RALGAPA1: variants seen among roughly 807,000 people sequenced by gnomAD.
RALGAPA1 encodes the protein ral GTPase-activating protein subunit alpha-1.
RALGAPA1 carries 52 observed loss-of-function variants against 269.6 expected under a neutral mutation model. The observed-to-expected ratio is 0.19, with a 90% CI of 0.15 to 0.24. The LOEUF (loss-of-function observed/expected upper bound fraction) is 0.24, where lower values mean the gene tolerates loss of function less well. Among genes scored for constraint, RALGAPA1 ranks in the 10% least tolerant of loss-of-function variants. The probability of loss-of-function intolerance (pLI) is 1.00; values close to 1 mark genes in which losing one functional copy is unlikely to be tolerated. For missense variants in RALGAPA1, 1,917 were observed against 3,013.9 expected, an observed-to-expected ratio of 0.64 and a Z score of 8.52; for synonymous variants, 817 against 1,008.3, an observed-to-expected ratio of 0.81 and a Z score of 3.60.
chr14:35,576,096 C>G (rs770875268), intron 37 of RALGAPA1, among the ~76,000 whole-genome samples: 4 of 152,162 alleles, frequency 2.6e-5, no homozygotes, highest in Non-Finnish European at 2.9e-5. Flanking sequence ...CTTAGCTCCT[C>G]TTACAGTTTA....
At chr14:35,643,235 G>A (rs929578366) in intron 31 of RALGAPA1, among the ~76,000 whole-genome samples, 1 of 152,218 alleles carries the variant, frequency 6.6e-6, no homozygotes, top group South Asian at 2.1e-4. Flanking sequence ...TAATGTAAAT[G>A]ACGAGTTAAT....
At chr14:35,633,854 C>T (rs2061502357) in intron 33 of RALGAPA1, among the ~76,000 whole-genome samples, 1 of 152,058 alleles carries the variant, frequency 6.6e-6, no homozygotes, top group African/African-American at 2.4e-5. Flanking sequence ...TTACATCTTT[C>T]TCTTCTATCA....
intron 16 of RALGAPA1, among the ~76,000 whole-genome samples, chr14:35,711,396 C>T (rs566784468): frequency 1.3e-5 from 2 of 152,248 alleles, no homozygotes; most frequent in Non-Finnish European, 2.9e-5. Context: ...TTTAAAAAAA[C>T]CTTTTTTAGT....
At chr14:35,685,260 AG>A (rs2065819044) in intron 19 of RALGAPA1, 115 bp from the exon 20 acceptor site, 2 of 901,438 alleles carry the variant, frequency 2.2e-6, no homozygotes, top group East Asian at 5.3e-5. Context: ...AGGCTGAAGT[AG>A]GAGTGGAGAA....
At position 35,689,933 on chromosome 14, in the gene RALGAPA1, T is replaced by G; in HGVS notation, c.2478A>C (p.Gly826=). The G allele has an allele frequency of 6.2e-7, 1 of 1,602,410 alleles. No individual in the cohort carries two copies. The highest frequency in any genetic ancestry group is 8.5e-7 in the Non-Finnish European group (1 of 1,176,216). The change falls in exon 18 of 42, where the codon GGA becomes GGC. Residue 826 remains glycine (G), a synonymous_variant. Transcript: ENST00000680220. ...CATTCAAAGCACCAAAAACTTCATT[T>G]CCAGTTTCTTCACTTTGTGAAAAAT... is the stretch of plus-strand genomic sequence containing the variant. ...VRHFSQSEET[G]NEVFGALNEE...
At chr14:35,609,235 A>C (rs1348923343) in intron 35 of RALGAPA1, among the ~76,000 whole-genome samples, 2 of 151,990 alleles carry the variant, frequency 1.3e-5, no homozygotes, top group African/African-American at 4.8e-5. Context: ...TCAAAAAAAA[A>C]AAACCAAAAA....
intron 16 of RALGAPA1, among the ~76,000 whole-genome samples, chr14:35,718,438 G>C (rs950238339): frequency 6.6e-6 from 1 of 152,166 alleles, no homozygotes; most frequent in Non-Finnish European, 1.5e-5. Flanking sequence ...AGGTGAAATG[G>C]GAAGGTGGGG....
At chr14:35,635,894 A>G (rs2061637442) in intron 31 of RALGAPA1, among the ~76,000 whole-genome samples, 1 of 152,238 alleles carries the variant, frequency 6.6e-6, no homozygotes, top group Non-Finnish European at 1.5e-5. Flanking sequence ...TCAATTAACT[A>G]TACTTATTCC....
At chr14:35,638,851 A>G (rs2061827752) in intron 31 of RALGAPA1, among the ~76,000 whole-genome samples, 1 of 151,988 alleles carries the variant, frequency 6.6e-6, no homozygotes, top group South Asian at 2.1e-4. Context: ...GTTTGAACCC[A>G]GGAGGTAGAG....
chr14:35,791,738 T>C (rs1329409458), intron 1 of RALGAPA1, among the ~76,000 whole-genome samples: 2 of 148,802 alleles, frequency 1.3e-5, no homozygotes, highest in Admixed American at 6.7e-5. Context: ...AACCCCGTCT[T>C]TACTAAAAAT....
intron 31 of RALGAPA1, among the ~76,000 whole-genome samples, chr14:35,646,195 A>T (rs908794061): frequency 1.7e-4 from 26 of 152,252 alleles, no homozygotes; most frequent in Non-Finnish European, 3.5e-4. Context: ...TTCTGGTAAG[A>T]GTCATTAATG....
chr14:35,562,480 A>G (rs2056342823), intron 39 of RALGAPA1, among the ~76,000 whole-genome samples: 1 of 152,222 alleles, frequency 6.6e-6, no homozygotes, highest in South Asian at 2.1e-4. Flanking sequence ...TTAATGAATG[A>G]CGTCTGAAAA....
chr14:35,708,050 T>C (rs756775484), intron 16 of RALGAPA1, among the ~76,000 whole-genome samples: 1 of 152,148 alleles, frequency 6.6e-6, no homozygotes, highest in Non-Finnish European at 1.5e-5. Context: ...CTGGGATAAC[T>C]GGATACCCAT....
At chr14:35,629,560 G>C (rs548633688) in intron 33 of RALGAPA1, among the ~76,000 whole-genome samples, 116 of 152,198 alleles carry the variant, frequency 7.6e-4, no homozygotes, top group African/African-American at 2.6e-3. Context: ...CTGGAGTGCA[G>C]TGGCGCAATC....
chr14:35,790,864 G>A (rs570504030), intron 1 of RALGAPA1, among the ~76,000 whole-genome samples: 10 of 152,002 alleles, frequency 6.6e-5, no homozygotes, highest in Admixed American at 2.0e-4. Context: ...AAGGGTAATC[G>A]CTTAAATGGA....
chr14:35,695,322 G>A (rs1445204392), intron 17 of RALGAPA1, among the ~76,000 whole-genome samples: 1 of 152,056 alleles, frequency 6.6e-6, no homozygotes, highest in Non-Finnish European at 1.5e-5. Flanking sequence ...ATTCTACACT[G>A]ATGACAGGAA....
At chr14:35,680,626 T>C (rs979163965) in intron 21 of RALGAPA1, among the ~76,000 whole-genome samples, 6 of 152,068 alleles carry the variant, frequency 3.9e-5, no homozygotes, top group Admixed American at 2.0e-4. Context: ...CTTTTTTGTT[T>C]TTGTTTGAGA....
chr14:35,682,843 G>A (rs2065573457), intron 21 of RALGAPA1, among the ~76,000 whole-genome samples: 1 of 152,056 alleles, frequency 6.6e-6, no homozygotes, highest in Non-Finnish European at 1.5e-5. Context: ...TTCTCCACTA[G>A]GGCCATATTC....
intron 30 of RALGAPA1, 103 bp downstream of exon 30, chr14:35,654,264 T>TA: frequency 5.0e-6 from 6 of 1,197,240 alleles, no homozygotes; most frequent in Non-Finnish European, 6.7e-6. Context: ...ATTATTTAGC[T>TA]ATGCAAAAAA....
Sources: allele counts gnomAD v4.1 joint callset (sites outside exome capture counted in the v4.1 genomes callset), GRCh38; gene constraint gnomAD v4.1.1; transcripts MANE v1.5; gene names NCBI Gene and HGNC (gene_info 2026-07-23, HGNC 2026-07-21).